DCUN1D2: variants seen among roughly 807,000 people sequenced by gnomAD.
The protein encoded by DCUN1D2 is defective in cullin neddylation 1 domain containing 2, also known as DCN1-like protein 2.
Under a neutral mutation model 30.9 loss-of-function variants are expected in DCUN1D2, and 29 were observed. The ratio of observed to expected loss-of-function variants is 0.94; its 90% CI spans 0.70 to 1.28. The LOEUF (loss-of-function observed/expected upper bound fraction) is 1.28. Among genes scored for constraint, DCUN1D2 ranks in the 50% most tolerant of loss-of-function variants. The pLI is 0.00. For missense variants in DCUN1D2, 325 were observed against 316.9 expected (o/e 1.03, Z -0.19); for synonymous variants, 121 against 115.3 (o/e 1.05, Z -0.32).
At chr13:113,484,842 G>A (rs2044773510) in intron 1 of DCUN1D2, among the ~76,000 whole-genome samples, 1 of 152,112 alleles carries the variant, frequency 6.6e-6, no homozygotes, top group Admixed American at 6.6e-5. Context: ...AGCACTTTGG[G>A]AGGCTGAGGC....
chr13:113,461,243 A>G, intron 4 of DCUN1D2, 107 bp from the exon 5 acceptor site: 1 of 694,158 alleles, frequency 1.4e-6, no homozygotes. Context: ...AAAATGTGGC[A>G]ATCTCACCCA....
At chr13:113,472,400 C>T (rs1272336261) in intron 4 of DCUN1D2, among the ~76,000 whole-genome samples, 1 of 152,214 alleles carries the variant, frequency 6.6e-6, no homozygotes, top group African/African-American at 2.4e-5. Flanking sequence ...ATCAGGGCTT[C>T]TTGGAGAAAA....
At chr13:113,458,469 G>GT (rs1409981459) in intron 6 of DCUN1D2, among the ~76,000 whole-genome samples, 1 of 152,194 alleles carries the variant, frequency 6.6e-6, no homozygotes, top group Non-Finnish European at 1.5e-5. Flanking sequence ...CCAGCAGGGG[G>GT]TGCTCCCTCC....
intron 4 of DCUN1D2, among the ~76,000 whole-genome samples, chr13:113,468,483 T>A (rs750619986): frequency 6.6e-6 from 1 of 152,230 alleles, no homozygotes; most frequent in Non-Finnish European, 1.5e-5. Flanking sequence ...ACTGTGAATC[T>A]ACTTAGTGCT....
At chr13:113,473,947 G>A (rs2044567061) in intron 4 of DCUN1D2, among the ~76,000 whole-genome samples, 177 bp downstream of exon 4, 1 of 152,220 alleles carries the variant, frequency 6.6e-6, no homozygotes, top group Non-Finnish European at 1.5e-5. Context: ...TGAGGCTGCA[G>A]TGAGCTGTGA....
At chr13:113,471,333 C>T (rs1369738341) in intron 4 of DCUN1D2, among the ~76,000 whole-genome samples, 6 of 149,884 alleles carry the variant, frequency 4.0e-5, no homozygotes, top group Non-Finnish European at 4.4e-5. Context: ...ACAGGGGACC[C>T]AACTCCATAG....
intron 2 of DCUN1D2, 145 bp downstream of exon 2, chr13:113,483,695 G>T: frequency 1.4e-6 from 1 of 704,788 alleles, no homozygotes; most frequent in Non-Finnish European, 2.3e-6. Context: ...AGTGGATTCT[G>T]CAGCTGAGCG....
At position 113,456,047 on chromosome 13, in the gene DCUN1D2, G is replaced by C. The variant is rs142221060; in HGVS notation, c.*1982C>G. 6 of 396,908 alleles carry C rather than the reference G, an allele frequency of 1.5e-5. No homozygotes were observed. The highest frequency in any genetic ancestry group is 1.1e-4 in the East Asian group (3 of 28,028). 24.6% of individuals were successfully genotyped at this position (396,908 alleles called of 1,614,324 possible). ...TTATGTGAATTCTATAAACTTTTCT[G>C]AACAAAACAATTACATGTCAAGAAT... is the stretch of plus-strand genomic sequence containing the variant. On this transcript the variant is annotated 3_prime_UTR_variant, in exon 7 of 7. Coordinates refer to ENST00000478244, the MANE Select transcript of DCUN1D2 (RefSeq NM_001014283.2).
In DCUN1D2 at chr13:113,488,225, G is replaced by T. The variant is rs528244574; in HGVS notation, c.3+2442C>A. 1.9e-4 allele frequency among the ~76,000 whole-genome samples: 29 copies of T among 152,314 alleles called. No individual in the cohort carries two copies. Among genetic ancestry groups the T allele is most frequent in the Non-Finnish European group, 8.8e-5 (6 of 68,036 alleles). ...GAGCCCCCTGCAATCTACTCAAATTGTCTGATGTCACAAGATACTCCAGTA... is the reference window on the plus strand; with the variant it reads ...GAGCCCCCTGCAATCTACTCAAATTTTCTGATGTCACAAGATACTCCAGTA... On this transcript the variant is annotated intron_variant, in intron 1 of 6. Transcript: ENST00000478244. The surrounding 1 kb of genome is among the most constrained non-coding windows in gnomAD (Gnocchi z 4.3).
intron 2 of DCUN1D2, among the ~76,000 whole-genome samples, chr13:113,482,380 T>C (rs1215478616): frequency 6.6e-6 from 1 of 152,218 alleles, no homozygotes; most frequent in East Asian, 1.9e-4. Flanking sequence ...TAAATAACTT[T>C]TAAAAATCTG....
rs181926637 is a variant in DCUN1D2 at position 113,479,655 on chromosome 13, G to A, written c.389+920C>T. ...TGAGAATCGCTTGAACTCAGGAGAC[G>A]GAGTTTGCTGTGAGCCAAGATCGTG... On this transcript the variant is annotated intron_variant, in intron 3 of 6. Coordinates refer to ENST00000478244, the MANE Select transcript of DCUN1D2 (RefSeq NM_001014283.2). Among the ~76,000 whole-genome samples, 6 of 152,232 alleles carry A rather than the reference G, an allele frequency of 3.9e-5. No individual in the cohort carries two copies. The East Asian group carries it at 1.2e-3, about 29-fold the overall frequency.
intron 1 of DCUN1D2, among the ~76,000 whole-genome samples, chr13:113,485,335 A>G (rs2044782956): frequency 6.6e-6 from 1 of 152,194 alleles, no homozygotes; most frequent in Admixed American, 6.5e-5. Flanking sequence ...AACTTAACAA[A>G]AGTATATAGA....
At chr13:113,487,451 G>A (rs1027185153) in intron 1 of DCUN1D2, among the ~76,000 whole-genome samples, 1 of 152,184 alleles carries the variant, frequency 6.6e-6, no homozygotes, top group African/African-American at 2.4e-5. Context: ...AAAGAAACCA[G>A]GCACAAGAAG....
chr13:113,468,714 T>C (rs2044450874), intron 4 of DCUN1D2, among the ~76,000 whole-genome samples: 1 of 152,124 alleles, frequency 6.6e-6, no homozygotes, highest in African/African-American at 2.4e-5. Context: ...TAACCTTCCC[T>C]GAATCTGCGC....
chr13:113,465,616 C>T (rs149391843), intron 4 of DCUN1D2, among the ~76,000 whole-genome samples: 36 of 151,664 alleles, frequency 2.4e-4, no homozygotes, highest in African/African-American at 8.2e-4. Flanking sequence ...CCAAGAACAC[C>T]GAAGGAGCTC....
chr13:113,463,414 G>C (rs772448010), intron 4 of DCUN1D2, among the ~76,000 whole-genome samples: 15 of 151,932 alleles, frequency 9.9e-5, no homozygotes, highest in Non-Finnish European at 2.1e-4. Flanking sequence ...AAAGCTGGCC[G>C]GGCACAGTGG....
chr13:113,477,039 T>A (rs906390554), intron 3 of DCUN1D2, among the ~76,000 whole-genome samples: 2 of 152,250 alleles, frequency 1.3e-5, no homozygotes, highest in African/African-American at 4.8e-5. Flanking sequence ...CCATGTAGTC[T>A]TAATTACTGT....
chr13:113,484,019 T>G lies in DCUN1D2; in HGVS notation c.41A>C (p.Gln14Pro). The stretch of plus-strand genomic sequence containing the variant: ...GCCAGCCTGAGTGCACGCCATAAAC[T>G]GGCGGACCTTGTCCTTCTGAGACGA... ...LKSSQKDKVR[Q>P]FMACTQAGER... The change falls in exon 2 of 7, where the codon CAG becomes CCG. Residue 14 changes from glutamine (Q) to proline (P), a missense_variant. Coordinates refer to ENST00000478244, the MANE Select transcript of DCUN1D2 (RefSeq NM_001014283.2). The G allele has an allele frequency of 6.2e-7, 1 of 1,614,126 alleles. No individual in the cohort carries two copies. Among genetic ancestry groups the G allele is most frequent in the Non-Finnish European group, 8.5e-7 (1 of 1,180,048 alleles).
rs74928642 is a variant in DCUN1D2 at position 113,479,925 on chromosome 13, T to C, written c.389+650A>G. 4.7e-3 allele frequency among the ~76,000 whole-genome samples: 722 copies of C among 152,340 alleles called. 36 individuals are homozygous for C. In the East Asian group the frequency reaches 0.12, roughly 24 times the overall value. On this transcript the variant is annotated intron_variant, in intron 3 of 6. Transcript: ENST00000478244. Reference sequence around the variant, plus strand: ...CACACACAGGCAATGTATTGTGCTATGACACTATGATGGCTGGGATGTAGG... The same window carrying C: ...CACACACAGGCAATGTATTGTGCTACGACACTATGATGGCTGGGATGTAGG...
Sources: gnomAD v4.1 joint callset for allele counts (sites outside exome capture counted in the v4.1 genomes callset) on GRCh38, gnomAD v4.1.1 for gene constraint, Gnocchi (gnomAD v3.1) non-coding constraint, MANE v1.5 for transcripts, NCBI Gene and HGNC (gene_info 2026-07-23, HGNC 2026-07-21) for gene names.